The following MXRA5 variants were observed in gnomAD, a reference collection of about 807,000 sequenced individuals.
MXRA5 encodes the protein matrix-remodeling-associated protein 5.
Under a neutral mutation model 112.5 loss-of-function variants are expected in MXRA5, and 41 were observed. The ratio of observed to expected loss-of-function variants is 0.36; its 90% CI spans 0.28 to 0.47. The LOEUF (loss-of-function observed/expected upper bound fraction) is 0.47. Among genes scored for constraint, MXRA5 ranks in the 20% least tolerant of loss-of-function variants. The pLI is 0.99. For missense variants in MXRA5, 2,150 were observed against 2,251.0 expected (o/e 0.96, Z 0.91); for synonymous variants, 862 against 900.8 (o/e 0.96, Z 0.77).
At chrX:3,342,657 C>A (rs1163527605) in intron 2 of MXRA5, among the ~76,000 whole-genome samples, 3 of 112,035 alleles carry the variant, frequency 2.7e-5, no homozygotes, top group Non-Finnish European at 5.6e-5. Flanking sequence ...ATTCCCTCAA[C>A]GTTTCATTCT....
chrX:3,322,279 CT>C lies in MXRA5; in HGVS notation c.3405del (p.Val1136LeufsTer7). The C allele has an allele frequency of 8.3e-7, 1 of 1,206,736 alleles. No homozygotes were observed. Among genetic ancestry groups the C allele is most frequent in the Non-Finnish European group, 1.1e-6 (1 of 892,403 alleles). On this transcript the variant is annotated frameshift_variant, in exon 5 of 7. Transcript: ENST00000217939. LOFTEE classifies it high-confidence loss of function. ...TTTATTTPRQKVAPSSTMSTH... is the reference protein window; with the variant it reads ...TTTATTTPRQXVAPSSTMSTH... ...GTGCTCATGGTGGATGACGGAGCAA[CT>C]TTTTGCCTTGGTGTTGTTGTTGCTG... is the stretch of plus-strand genomic sequence containing the variant.
At chrX:3,325,024 C>G in intron 4 of MXRA5, 49 bp from the exon 5 acceptor site, 1 of 1,117,134 alleles carries the variant, frequency 9.0e-7, no homozygotes, top group East Asian at 3.1e-5. Context: ...CAAAGAATGG[C>G]ATGCCTTGCA....
At chrX:3,318,733 C>T (rs1603467908) in intron 5 of MXRA5, among the ~76,000 whole-genome samples, 1 of 111,938 alleles carries the variant, frequency 8.9e-6, no homozygotes, top group East Asian at 2.8e-4. Flanking sequence ...CATCTGCACT[C>T]CCATGTTTAC....
Position 3,321,172 on chromosome X carries a change from G to T in MXRA5, c.4513C>A (p.Gln1505Lys). Reference protein sequence around the residue: ...SPSTILMSLGQTTTTKPALPS... With the variant: ...SPSTILMSLGKTTTTKPALPS... Reference sequence around the variant, plus strand: ...AGTGCTGGCTTAGTGGTGGTGGTTTGTCCCAAAGACATGAGAATTGTGGAT... The same window carrying T: ...AGTGCTGGCTTAGTGGTGGTGGTTTTTCCCAAAGACATGAGAATTGTGGAT... The change falls in exon 5 of 7, where the codon CAA becomes AAA. Residue 1505 changes from glutamine to lysine, a missense_variant. Transcript: ENST00000217939. 8.3e-7 allele frequency: 1 copy of T among 1,211,802 alleles called. No individual in the cohort carries two copies. The highest frequency in any genetic ancestry group is 1.1e-6 in the Non-Finnish European group (1 of 895,433).
In MXRA5 at chrX:3,308,606, T is replaced by C. The variant is rs1233862734; in HGVS notation, c.*1110A>G. On this transcript the variant is annotated 3_prime_UTR_variant, in exon 7 of 7. Coordinates refer to ENST00000217939, the MANE Select transcript of MXRA5 (RefSeq NM_015419.4). The stretch of plus-strand genomic sequence containing the variant: ...ATTTTATTATCAAATGTACAGTATA[T>C]TGACCTTAAAAATACAGTAAAGCAG... The C allele has an allele frequency of 1.8e-5, 2 of 112,102 alleles. No homozygotes were observed. Among genetic ancestry groups the C allele is most frequent in the Non-Finnish European group, 3.8e-5 (2 of 53,286 alleles). 9.2% of individuals were successfully genotyped at this position (112,102 alleles called of 1,213,427 possible).
chrX:3,310,723 G>T lies in MXRA5; in HGVS notation c.7480C>A (p.Arg2494=), dbSNP rs1230416299. 1 of 1,199,493 alleles carries T rather than the reference G, an allele frequency of 8.3e-7. No homozygotes were observed. Among genetic ancestry groups the T allele is most frequent in the African/African-American group, 1.8e-5 (1 of 56,750 alleles). The change falls in exon 7 of 7, where the codon CGG becomes AGG. Residue 2494 remains arginine, a synonymous_variant. Transcript: ENST00000217939. ...GAACCGTTGCCATGGACAGTGATCC[G>T]GTTTCCATAGTATGGAGCTGGCAGA... is the stretch of plus-strand genomic sequence containing the variant. ...VVLPAPYYGN[R]ITVHGNGSLD...
chrX:3,343,932 T>C lies in MXRA5; in HGVS notation c.-28-71A>G, dbSNP rs1922048500. ...GACGAACTGTGGGCAATTTTTAAAT[T>C]TGAATTGTGCATCAGGGTTTCAAGC... is the stretch of plus-strand genomic sequence containing the variant. On this transcript the variant is annotated intron_variant, in intron 1 of 6. Coordinates refer to ENST00000217939, the MANE Select transcript of MXRA5 (RefSeq NM_015419.4). 8.8e-6 allele frequency: 8 copies of C among 909,850 alleles called. No individual in the cohort carries two copies. In the East Asian group the frequency reaches 1.4e-4, roughly 15 times the overall value. 75.0% of individuals were successfully genotyped at this position (909,850 alleles called of 1,213,427 possible).
chrX:3,326,299 T>C (rs1921505580), intron 4 of MXRA5, among the ~76,000 whole-genome samples: 1 of 36,233 alleles, frequency 2.8e-5, no homozygotes, highest in African/African-American at 8.1e-5. Context: ...ATTTATACAT[T>C]TATAATATAT....
Position 3,330,319 on chromosome X carries a change from G to T in MXRA5, c.408C>A (p.His136Gln), listed in dbSNP as rs1292503356. Residue 136 changes from histidine to glutamine, a missense_variant, in exon 4 of 7, where the codon CAC becomes CAA. Physicochemically the swap from His to Gln is conservative, Grantham distance 24 (BLOSUM62 0). Coordinates refer to ENST00000217939, the MANE Select transcript of MXRA5 (RefSeq NM_015419.4). Reference sequence around the variant, plus strand: ...GAGGGTGGATAAACTCGATCTTGTTGTGGTCAATGTGCAGCCTCATTAAGT... The same window carrying T: ...GAGGGTGGATAAACTCGATCTTGTTTTGGTCAATGTGCAGCCTCATTAAGT... ...LSNLMRLHID[H>Q]NKIEFIHPQA... 8.3e-7 allele frequency: 1 copy of T among 1,208,741 alleles called. No individual in the cohort carries two copies. The highest frequency in any genetic ancestry group is 1.8e-5 in the African/African-American group (1 of 56,993).
chrX:3,341,672 A>G (rs1349391904), intron 2 of MXRA5, among the ~76,000 whole-genome samples: 1 of 76,115 alleles, frequency 1.3e-5, no homozygotes. Flanking sequence ...TTTACATTAT[A>G]TATTATATAT....
At position 3,338,508 on chromosome X, in the gene MXRA5, A is replaced by G. The variant is rs569015316; in HGVS notation, c.188+5138T>C. 3.6e-5 allele frequency among the ~76,000 whole-genome samples: 4 copies of G among 111,668 alleles called. No individual in the cohort carries two copies. The South Asian group carries it at 1.5e-3, about 43-fold the overall frequency. On this transcript the variant is annotated intron_variant, in intron 2 of 6. Coordinates refer to ENST00000217939, the MANE Select transcript of MXRA5 (RefSeq NM_015419.4). The stretch of plus-strand genomic sequence containing the variant: ...GATGACAGGTACATAGGTGATAGAT[A>G]GATGATAGATGATAGGTAGATAGAT...
chrX:3,325,969 T>A (rs1309574784), intron 4 of MXRA5, among the ~76,000 whole-genome samples: 1 of 57,668 alleles, frequency 1.7e-5, no homozygotes, highest in Non-Finnish European at 3.4e-5. Flanking sequence ...AATTTATAAT[T>A]ATAAATTTAT....
rs1569181331 is a variant in MXRA5, at chrX:3,315,384, A to AGAT, written c.6578+1716_6578+1718dup. ...AGATAGATAGATAGAATAGATAGAT[A>AGAT]GATAGATGATAGATAGATAGATAGA... On this transcript the variant is annotated intron_variant, in intron 6 of 6. Coordinates refer to ENST00000217939, the MANE Select transcript of MXRA5 (RefSeq NM_015419.4). 3.4e-3 allele frequency among the ~76,000 whole-genome samples: 124 copies of AGAT among 36,809 alleles called. 2 individuals are homozygous for AGAT. The highest frequency in any genetic ancestry group is 0.02 in the African/African-American group (113 of 5,713). The allele number at this position is 36,809 out of a possible 115,157, so 32.0% of individuals were successfully genotyped here. A position where few individuals can be genotyped will look rare whatever the true frequency, so the allele number is the denominator to read the frequency against.
chrX:3,341,348 C>A, intron 2 of MXRA5, among the ~76,000 whole-genome samples: 1 of 34,927 alleles, frequency 2.9e-5, no homozygotes, highest in African/African-American at 1.0e-4. Context: ...TATATTATTA[C>A]TATATATTAT....
At position 3,322,250 on chromosome X, in the gene MXRA5, G is replaced by A; in HGVS notation, c.3435C>T (p.His1145=). 1 of 1,200,969 alleles carries A rather than the reference G, an allele frequency of 8.3e-7. No individual in the cohort carries two copies. The highest frequency in any genetic ancestry group is 1.1e-6 in the Non-Finnish European group (1 of 889,004). The change falls in exon 5 of 7, where the codon CAC becomes CAT. Residue 1145 remains histidine (H), a synonymous_variant. Coordinates refer to ENST00000217939, the MANE Select transcript of MXRA5 (RefSeq NM_015419.4). ...TCCCGTTGGGTCTCCTTCGAGAAGG[G>A]TGAGTGCTCATGGTGGATGACGGAG... The part of the protein sequence containing the change: ...KVAPSSTMST[H]PSRRRPNGRR...
In MXRA5 at chrX:3,310,505, G is replaced by T; in HGVS notation, c.7698C>A (p.Ala2566=). ...CCAGGCTGGGTGTCGGGGTCCCCGC[G>T]GCAGAGCAGTTGAGGCTGATGGTGT... ...AGHTISLNCS[A]AGTPTPSLVW... is the part of the protein sequence containing the mutation. The change falls in exon 7 of 7, where the codon GCC becomes GCA. Residue 2566 remains alanine, a synonymous_variant. Transcript: ENST00000217939. 3 of 1,202,316 alleles carry T rather than the reference G, an allele frequency of 2.5e-6. No homozygotes were observed. The highest frequency in any genetic ancestry group is 3.6e-5 in the South Asian group (2 of 55,626).
chrX:3,323,391 A>G lies in MXRA5; in HGVS notation c.2294T>C (p.Phe765Ser), dbSNP rs1345997911. The G allele has an allele frequency of 1.7e-6, 2 of 1,211,748 alleles. No individual in the cohort carries two copies. Among genetic ancestry groups the G allele is most frequent in the South Asian group, 1.8e-5 (1 of 56,983 alleles). Residue 765 changes from phenylalanine to serine, a missense_variant, in exon 5 of 7, where the codon TTT (phenylalanine) becomes TCT (serine). Physicochemically the swap from Phe to Ser is radical, Grantham distance 155. Coordinates refer to ENST00000217939, the MANE Select transcript of MXRA5 (RefSeq NM_015419.4). ...ETNVAEGRRV[F>S]ESRRRINMAN... ...CATGTTTATCCTTCGTCTAGATTCA[A>G]ACACTCTGCGACCTTCTGCAACATT... is the stretch of plus-strand genomic sequence containing the variant.
intron 2 of MXRA5, among the ~76,000 whole-genome samples, chrX:3,335,321 C>T (rs760373208): frequency 3.6e-5 from 4 of 111,136 alleles, no homozygotes; most frequent in African/African-American, 1.3e-4. Context: ...CTCAGCCTCC[C>T]GAGTAGCTGG....
At chrX:3,311,656 C>T in intron 6 of MXRA5, 32 bp from the exon 7 acceptor site, 3 of 1,144,005 alleles carry the variant, frequency 2.6e-6, no homozygotes, top group Non-Finnish European at 3.6e-6. Context: ...AGTAAGATGT[C>T]AGTTTCCCAA....
Sources: allele counts gnomAD v4.1 joint callset (sites outside exome capture counted in the v4.1 genomes callset), GRCh38; gene constraint gnomAD v4.1.1; transcripts MANE v1.5; gene names NCBI Gene and HGNC (gene_info 2026-07-23, HGNC 2026-07-21).